Variants in ARHGAP26 observed in about 807,000 individuals in gnomAD.
The protein encoded by ARHGAP26 is rho GTPase-activating protein 26.
In ARHGAP26, 38 loss-of-function variants were observed where a neutral mutation model predicts 104.8. The ratio of observed to expected loss-of-function variants is 0.36; its 90% CI spans 0.28 to 0.48. The LOEUF (loss-of-function observed/expected upper bound fraction) is 0.48. Among genes scored for constraint, ARHGAP26 ranks in the 20% least tolerant of loss-of-function variants. The probability of loss-of-function intolerance (pLI) is 0.99; values close to 1 mark genes in which losing one functional copy is unlikely to be tolerated. For synonymous variants in ARHGAP26, 341 were observed against 340.0 expected (o/e 1.00, Z -0.03); for missense variants, 704 against 947.9 (o/e 0.74, Z 3.38).
chr5:142,772,814 A>G (rs1428447858), intron 1 of ARHGAP26: 2 of 533,386 alleles, frequency 3.7e-6, no homozygotes, highest in East Asian at 1.1e-4. Flanking sequence ...TAGAATTTGG[A>G]CTTGTGTTTT....
chr5:142,991,706 C>T (rs2152757342), intron 11 of ARHGAP26, among the ~76,000 whole-genome samples: 2 of 152,292 alleles, frequency 1.3e-5, no homozygotes, highest in South Asian at 2.1e-4. Context: ...AGTATGGTAA[C>T]ATGCTGTATA....
intron 20 of ARHGAP26, among the ~76,000 whole-genome samples, chr5:143,194,476 CTTAAG>C (rs1024616315): frequency 2.0e-5 from 3 of 152,166 alleles, no homozygotes; most frequent in African/African-American, 7.2e-5. Flanking sequence ...GAATAGTTCT[CTTAAG>C]TTAAGCATTT....
chr5:142,794,548 C>T (rs939524768), intron 1 of ARHGAP26, among the ~76,000 whole-genome samples: 5 of 152,084 alleles, frequency 3.3e-5, no homozygotes, highest in African/African-American at 1.2e-4. Flanking sequence ...TAACCCTGGA[C>T]ATTCAAATTT....
At chr5:142,889,603 G>A (rs984372495) in intron 5 of ARHGAP26, among the ~76,000 whole-genome samples, 5 of 152,012 alleles carry the variant, frequency 3.3e-5, no homozygotes, top group Non-Finnish European at 7.4e-5. Flanking sequence ...GGGCAACAGA[G>A]CGAGACTCTG....
chr5:142,830,606 G>A (rs538230951), intron 1 of ARHGAP26, among the ~76,000 whole-genome samples: 7 of 152,114 alleles, frequency 4.6e-5, no homozygotes, highest in South Asian at 2.1e-4. Flanking sequence ...AAAAAATACC[G>A]GTCTTCAAAA....
intron 20 of ARHGAP26, among the ~76,000 whole-genome samples, chr5:143,149,796 A>G (rs1799597133): frequency 6.6e-6 from 1 of 152,180 alleles, no homozygotes; most frequent in Non-Finnish European, 1.5e-5. Flanking sequence ...TGGGAGGATT[A>G]CCATTAACTT....
In ARHGAP26 at chr5:142,989,576, G is replaced by T. The variant is rs537618049; in HGVS notation, c.1108-24504G>T. ...ATACAGTTTCTTCCTAGCATCAATGGTCTTTACAATTTGGCATGTTTTTGC... is the reference window on the plus strand; with the variant it reads ...ATACAGTTTCTTCCTAGCATCAATGTTCTTTACAATTTGGCATGTTTTTGC... On this transcript the variant is annotated intron_variant, in intron 11 of 22. Coordinates refer to ENST00000645722, the MANE Select transcript of ARHGAP26 (RefSeq NM_001135608.3). Among the ~76,000 whole-genome samples, 12 of 152,264 alleles carry T rather than the reference G, an allele frequency of 7.9e-5. No homozygotes were observed. The South Asian group carries it at 1.4e-3, about 18-fold the overall frequency.
intron 14 of ARHGAP26, among the ~76,000 whole-genome samples, chr5:143,054,085 C>T (rs753091178): frequency 2.6e-5 from 4 of 152,098 alleles, no homozygotes; most frequent in Non-Finnish European, 5.9e-5. Flanking sequence ...TAACTTTTCT[C>T]GTGCCTTATC....
At chr5:143,141,139 G>A (rs945783696) in intron 19 of ARHGAP26, among the ~76,000 whole-genome samples, 6 of 152,166 alleles carry the variant, frequency 3.9e-5, no homozygotes, top group African/African-American at 1.4e-4. Flanking sequence ...GTGTTTCTTG[G>A]GTTAACTATG....
chr5:142,942,955 A>AT (rs1383901779), intron 11 of ARHGAP26, among the ~76,000 whole-genome samples: 3 of 152,186 alleles, frequency 2.0e-5, no homozygotes, highest in African/African-American at 7.2e-5. Context: ...AATCTTTTGT[A>AT]TTTTTAGGAG....
intron 11 of ARHGAP26, among the ~76,000 whole-genome samples, chr5:142,998,408 C>T (rs1180711159): frequency 1.3e-5 from 2 of 152,170 alleles, no homozygotes; most frequent in African/African-American, 4.8e-5. Flanking sequence ...GTCATGCTCT[C>T]AAGACAGACA....
chr5:142,842,006 A>C (rs1191771598), intron 1 of ARHGAP26, among the ~76,000 whole-genome samples: 2 of 152,196 alleles, frequency 1.3e-5, no homozygotes, highest in Non-Finnish European at 2.9e-5. Context: ...TAATTACTGA[A>C]GCATGGTGGC....
intron 18 of ARHGAP26, among the ~76,000 whole-genome samples, chr5:143,121,548 G>GT: frequency 6.6e-6 from 1 of 152,244 alleles, no homozygotes; most frequent in Middle Eastern, 3.4e-3. Context: ...GAATTTATGA[G>GT]TTTTTTAAAT....
At chr5:143,218,343 C>T (rs766389123) in intron 22 of ARHGAP26, among the ~76,000 whole-genome samples, 1 of 152,186 alleles carries the variant, frequency 6.6e-6, no homozygotes, top group African/African-American at 2.4e-5. Flanking sequence ...ATTGTCCTGC[C>T]GAGCAAAATC....
intron 4 of ARHGAP26, among the ~76,000 whole-genome samples, chr5:142,883,976 A>G (rs1281028509): frequency 6.6e-6 from 1 of 152,236 alleles, no homozygotes; most frequent in African/African-American, 2.4e-5. Context: ...TTAAAGGAAT[A>G]AAGAGATGTG....
chr5:143,183,505 C>G (rs1418788739), intron 20 of ARHGAP26, among the ~76,000 whole-genome samples: 1 of 152,220 alleles, frequency 6.6e-6, no homozygotes, highest in Non-Finnish European at 1.5e-5. Context: ...TGCTAACCCA[C>G]CGGGAGTTGG....
At chr5:143,221,825 T>C (rs1446215535) in intron 22 of ARHGAP26, among the ~76,000 whole-genome samples, 1 of 151,188 alleles carries the variant, frequency 6.6e-6, no homozygotes, top group African/African-American at 2.5e-5. Context: ...GCCCAGCCTC[T>C]AGAAGCTGGA....
intron 11 of ARHGAP26, among the ~76,000 whole-genome samples, chr5:142,995,985 T>C (rs1192771234): frequency 6.6e-6 from 1 of 151,892 alleles, no homozygotes; most frequent in African/African-American, 2.4e-5. Flanking sequence ...AAGTGGGAGC[T>C]GAACAATGAG....
intron 1 of ARHGAP26, among the ~76,000 whole-genome samples, chr5:142,866,595 A>G (rs972896705): frequency 1.3e-5 from 2 of 152,162 alleles, no homozygotes; most frequent in Non-Finnish European, 2.9e-5. Flanking sequence ...AGAATTAGAA[A>G]CCTCATTTTG....
Sources: gnomAD v4.1 joint callset for allele counts (sites outside exome capture counted in the v4.1 genomes callset) on GRCh38, gnomAD v4.1.1 for gene constraint, MANE v1.5 for transcripts, NCBI Gene and HGNC (gene_info 2026-07-23, HGNC 2026-07-21) for gene names.